The following CPLANE1 variants were observed in gnomAD, a reference collection of about 807,000 sequenced individuals.
CPLANE1 encodes ciliogenesis and planar polarity effector 1.
CPLANE1 carries 263 observed loss-of-function variants against 362.5 expected under a neutral mutation model. That is an observed-to-expected ratio of 0.73 (90% CI 0.66 to 0.80). The LOEUF (loss-of-function observed/expected upper bound fraction) is 0.80, where lower values mean the gene tolerates loss of function less well. Among genes scored for constraint, CPLANE1 ranks in the 30% least tolerant of loss-of-function variants. The pLI, the probability that CPLANE1 is intolerant of heterozygous loss-of-function variation, is 0.00. For missense variants in CPLANE1, 3,461 were observed against 3,793.4 expected, an observed-to-expected ratio of 0.91 and a Z score of 2.30; for synonymous variants, 1,212 against 1,302.6, an observed-to-expected ratio of 0.93 and a Z score of 1.50.
intron 16 of CPLANE1, chr5:37,210,476 TGAAAG>T (rs1792280584): frequency 7.8e-6 from 9 of 1,158,602 alleles, no homozygotes; most frequent in Admixed American, 1.8e-5. Flanking sequence ...TGATTGAAGA[TGAAAG>T]GAAGAATAAA....
intron 50 of CPLANE1, among the ~76,000 whole-genome samples, chr5:37,119,535 T>C (rs1762027265): frequency 6.6e-6 from 1 of 151,944 alleles, no homozygotes; most frequent in Non-Finnish European, 1.5e-5. Flanking sequence ...CCAGGTATGG[T>C]GATGCATACC....
chr5:37,243,797 A>G (rs1303356273), intron 5 of CPLANE1, among the ~76,000 whole-genome samples: 1 of 147,106 alleles, frequency 6.8e-6, no homozygotes, highest in East Asian at 1.9e-4. Flanking sequence ...ATAATATACC[A>G]TATAATATAT....
At chr5:37,114,402 C>T (rs1760284112) in intron 51 of CPLANE1, among the ~76,000 whole-genome samples, 1 of 152,150 alleles carries the variant, frequency 6.6e-6, no homozygotes, top group Non-Finnish European at 1.5e-5. Context: ...CATATATCCT[C>T]ACTATTATAA....
In CPLANE1 at chr5:37,209,438, G is replaced by A. The variant is rs142303707; in HGVS notation, c.2921-3013C>T. The A allele has an allele frequency of 0.017, 22,535 of 1,309,214 alleles. 252 individuals carry two copies. Among genetic ancestry groups the A allele is most frequent in the Middle Eastern group, 0.027 (144 of 5,396 alleles). The allele number at this position is 1,309,214 out of a possible 1,614,324, so 81.1% of individuals were successfully genotyped here. A position where few individuals can be genotyped will look rare whatever the true frequency, so the allele number is the denominator to read the frequency against. On this transcript the variant is annotated intron_variant, in intron 16 of 52. Coordinates refer to ENST00000651892, the MANE Select transcript of CPLANE1 (RefSeq NM_001384732.1). This position sits in a 1 kb window ranked among gnomAD's most constrained non-coding sequence, Gnocchi z 4.6. ...ATGAACTGCGCAAAAAGCTATACCAGACATTTAAGGATCGGGGTATACTGG... is the reference window on the plus strand; with the variant it reads ...ATGAACTGCGCAAAAAGCTATACCAAACATTTAAGGATCGGGGTATACTGG...
chr5:37,173,867 G>T lies in CPLANE1; in HGVS notation c.6059C>A (p.Pro2020Gln), dbSNP rs748954020. The stretch of plus-strand genomic sequence containing the variant: ...GGTCTTCTGAGGTGTTGGAGCAGGT[G>T]GTTGTGAAGCAACATTGACTCCATT... Reference protein sequence around the residue: ...ISNGVNVASQPPAPTPQKTQR... With the variant: ...ISNGVNVASQQPAPTPQKTQR... The change falls in exon 32 of 53, where the codon CCA (proline) becomes CAA (glutamine). Residue 2020 changes from proline to glutamine, a missense_variant. Coordinates refer to ENST00000651892, the MANE Select transcript of CPLANE1 (RefSeq NM_001384732.1). 3.1e-6 allele frequency: 5 copies of T among 1,614,082 alleles called. 1 individual carries two copies. In the South Asian group the frequency reaches 5.5e-5, roughly 18 times the overall value.
Position 37,118,902 on chromosome 5 carries a change from C to T in CPLANE1, c.9310+1314G>A, listed in dbSNP as rs188208665. 2.0e-4 allele frequency among the ~76,000 whole-genome samples: 31 copies of T among 151,972 alleles called. No individual in the cohort carries two copies. In the East Asian group the frequency reaches 4.3e-3, roughly 21 times the overall value. On this transcript the variant is annotated intron_variant, in intron 50 of 52. Coordinates refer to ENST00000651892, the MANE Select transcript of CPLANE1 (RefSeq NM_001384732.1). ...CTAATTTTAGTATTTTCAGTAGAGACGGGGTTTCACCATGTTGGCCAAGAT... is the reference window on the plus strand; with the variant it reads ...CTAATTTTAGTATTTTCAGTAGAGATGGGGTTTCACCATGTTGGCCAAGAT...
chr5:37,148,041 T>G (rs939230629), intron 43 of CPLANE1, 140 bp downstream of exon 43: 1 of 250,920 alleles, frequency 4.0e-6, no homozygotes, highest in Admixed American at 5.9e-5. Context: ...AAAATAATCC[T>G]AATCTAAAAA....
At chr5:37,095,219 A>C in the CPLANE1 span, among the ~76,000 whole-genome samples, 801 of 152,336 alleles carry the variant, frequency 5.3e-3, 5 homozygotes, top group African/African-American at 0.018. Context: ...ACAACATATC[A>C]AAAAGACAAT....
chr5:37,245,435 T>C (rs1465268616), intron 4 of CPLANE1, 44 bp downstream of exon 4: 2 of 1,378,632 alleles, frequency 1.5e-6, no homozygotes, highest in Middle Eastern at 1.9e-4. Flanking sequence ...TCTTTTCCTA[T>C]TTTTCCTAGT....
At chr5:37,088,870 T>G in the CPLANE1 span, among the ~76,000 whole-genome samples, 2 of 152,146 alleles carry the variant, frequency 1.3e-5, no homozygotes, top group Non-Finnish European at 2.9e-5. Context: ...GTAAAGGAAT[T>G]AATGTGCTCA....
At chr5:37,227,132 T>C (rs1419479977) in intron 11 of CPLANE1, 59 bp from the exon 12 acceptor site, 6 of 1,502,432 alleles carry the variant, frequency 4.0e-6, no homozygotes, top group Non-Finnish European at 5.3e-6. Flanking sequence ...ATCAATAGCA[T>C]CACTTTGGCG....
chr5:37,175,212 T>C (rs757755711), intron 31 of CPLANE1, among the ~76,000 whole-genome samples: 11 of 152,104 alleles, frequency 7.2e-5, no homozygotes, highest in Admixed American at 1.3e-4. Flanking sequence ...CAGGAAGGCC[T>C]TGGGACAGTA....
chr5:37,199,632 C>T (rs1322510548), intron 19 of CPLANE1, among the ~76,000 whole-genome samples: 1 of 152,198 alleles, frequency 6.6e-6, no homozygotes, highest in African/African-American at 2.4e-5. Context: ...TGAATAAATG[C>T]TATCCAAACC....
At chr5:37,224,119 T>C (rs1366677595) in intron 14 of CPLANE1, 134 bp downstream of exon 14, 2 of 600,372 alleles carry the variant, frequency 3.3e-6, no homozygotes, top group South Asian at 2.5e-5. Flanking sequence ...TTTTAAGGTC[T>C]ATGGCAAGCT....
the CPLANE1 span, among the ~76,000 whole-genome samples, chr5:37,080,279 G>C: frequency 2.0e-5 from 3 of 152,202 alleles, no homozygotes; most frequent in Non-Finnish European, 4.4e-5. Context: ...GTCTGCTTAA[G>C]GACATTACCC....
intron 26 of CPLANE1, among the ~76,000 whole-genome samples, chr5:37,182,031 GC>G (rs1395347142): frequency 6.6e-6 from 1 of 150,556 alleles, no homozygotes; most frequent in Non-Finnish European, 1.5e-5. Context: ...GGCGGAGGTT[GC>G]AGTGAGTTGA....
At chr5:37,199,002 C>CCTTCCAA in intron 19 of CPLANE1, 136 bp from the exon 20 acceptor site, 1 of 719,586 alleles carries the variant, frequency 1.4e-6, no homozygotes, top group Non-Finnish European at 2.2e-6. Context: ...AAGGCTGAAG[C>CCTTCCAA]AGGAGGACTG....
chr5:37,158,319 GCT>G lies in CPLANE1; in HGVS notation c.7715_7716del (p.Gln2572ProfsTer15), dbSNP rs1348428632. On this transcript the variant is annotated frameshift_variant, in exon 39 of 53. Coordinates refer to ENST00000651892, the MANE Select transcript of CPLANE1 (RefSeq NM_001384732.1). LOFTEE classifies it high-confidence loss of function. ...TTTAGATAGACATCTGGGACCAAGA[GCT>G]GAGGAGCAGTCAAAGGCTCATGTTC... is the stretch of plus-strand genomic sequence containing the variant. ...DPEHEPLTAPQLLVPDVYLNL... is the reference protein window; with the variant it reads ...DPEHEPLTAPXLLVPDVYLNL... 1 of 1,613,512 alleles carries G rather than the reference GCT, an allele frequency of 6.2e-7. No individual in the cohort carries two copies. The highest frequency in any genetic ancestry group is 8.5e-7 in the Non-Finnish European group (1 of 1,179,742).
intron 42 of CPLANE1, among the ~76,000 whole-genome samples, chr5:37,151,998 T>C (rs186789406): frequency 1.3e-4 from 20 of 152,352 alleles, no homozygotes; most frequent in Admixed American, 1.3e-3. Flanking sequence ...TCACATATGC[T>C]TAATCTTTAT....
Sources: allele counts gnomAD v4.1 joint callset (sites outside exome capture counted in the v4.1 genomes callset), GRCh38; gene constraint gnomAD v4.1.1; non-coding constraint Gnocchi (gnomAD v3.1); transcripts MANE v1.5; gene names NCBI Gene and HGNC (gene_info 2026-07-23, HGNC 2026-07-21).